The following FHIT variants were observed in gnomAD, a reference collection of about 807,000 sequenced individuals.
The protein encoded by FHIT is bis(5'-adenosyl)-triphosphatase.
A neutral mutation model predicts 17.9 loss-of-function variants in FHIT; 19 were observed. The observed-to-expected ratio is 1.06, with a 90% CI of 0.74 to 1.56. The LOEUF (loss-of-function observed/expected upper bound fraction) is 1.56. FHIT is among the 40% of genes most tolerant of loss of function. The probability of loss-of-function intolerance (pLI) is 0.00; values close to 1 mark genes in which losing one functional copy is unlikely to be tolerated. For synonymous variants in FHIT, 81 were observed against 69.7 expected (o/e 1.16, Z -0.81); for missense variants, 248 against 189.2 (o/e 1.31, Z -1.82).
intron 4 of FHIT, among the ~76,000 whole-genome samples, chr3:60,775,174 A>G (rs1553724169): frequency 6.6e-6 from 1 of 152,190 alleles, no homozygotes. Flanking sequence ...TAAATAAGGA[A>G]TGTTTAAATG....
chr3:60,179,677 G>GT (rs1050109609), intron 5 of FHIT, among the ~76,000 whole-genome samples: 2 of 150,852 alleles, frequency 1.3e-5, no homozygotes, highest in African/African-American at 2.5e-5. Flanking sequence ...TCTGTAGGTT[G>GT]TAAGTGTGTA....
rs192313458 is a variant in FHIT, at chr3:60,243,920, C to A, written c.104-229768G>T. 2.8e-3 allele frequency among the ~76,000 whole-genome samples: 425 copies of A among 152,166 alleles called. 2 individuals are homozygous for A. The highest frequency in any genetic ancestry group is 9.9e-3 in the African/African-American group (412 of 41,544). ...GTTCTGTAAGAGTCAGCAGGGAGAACAGAAATAATTTATTTCAGGAATCCT... is the reference window on the plus strand; with the variant it reads ...GTTCTGTAAGAGTCAGCAGGGAGAAAAGAAATAATTTATTTCAGGAATCCT... On this transcript the variant is annotated intron_variant, in intron 5 of 9. Coordinates refer to ENST00000492590, the MANE Select transcript of FHIT (RefSeq NM_002012.4).
chr3:59,889,943 G>A (rs1390803347), intron 8 of FHIT, among the ~76,000 whole-genome samples: 1 of 152,176 alleles, frequency 6.6e-6, no homozygotes, highest in Admixed American at 6.5e-5. Flanking sequence ...ATTAGTGTCT[G>A]TTTAATATTA....
intron 5 of FHIT, among the ~76,000 whole-genome samples, chr3:60,380,927 T>C (rs1576570619): frequency 6.6e-6 from 1 of 151,848 alleles, no homozygotes; most frequent in Non-Finnish European, 1.5e-5. Flanking sequence ...GGCTGCCTGG[T>C]TCCACTATGC....
chr3:61,107,063 A>T (rs950410757), intron 2 of FHIT, among the ~76,000 whole-genome samples: 2 of 152,136 alleles, frequency 1.3e-5, no homozygotes, highest in East Asian at 1.9e-4. Flanking sequence ...TGTACAATAG[A>T]TCTCTTTAAT....
At chr3:60,365,036 G>T (rs1250537035) in intron 5 of FHIT, among the ~76,000 whole-genome samples, 3 of 147,474 alleles carry the variant, frequency 2.0e-5, no homozygotes, top group Admixed American at 6.8e-5. Flanking sequence ...TTGTATGTAT[G>T]TATCTATCTG....
At chr3:60,623,950 T>C (rs1553679788) in intron 4 of FHIT, among the ~76,000 whole-genome samples, 1 of 152,124 alleles carries the variant, frequency 6.6e-6, no homozygotes, top group African/African-American at 2.4e-5. Flanking sequence ...GAGTAAAACA[T>C]AGTGTTTGCT....
At chr3:60,486,587 A>G (rs1468724773) in intron 5 of FHIT, among the ~76,000 whole-genome samples, 2 of 152,168 alleles carry the variant, frequency 1.3e-5, no homozygotes, top group East Asian at 3.9e-4. Flanking sequence ...AAAGATCTAT[A>G]GGTCAGAGAA....
At chr3:60,256,620 C>T (rs981852) in intron 5 of FHIT, among the ~76,000 whole-genome samples, 124,160 of 152,164 alleles carry the variant, frequency 0.82, 50,795 homozygotes, top group East Asian at 0.93. Flanking sequence ...CAGTCAAGCA[C>T]TAGCCACCAG....
chr3:60,598,013 T>C (rs553660017), intron 4 of FHIT, among the ~76,000 whole-genome samples: 6 of 152,206 alleles, frequency 3.9e-5, no homozygotes, highest in South Asian at 4.1e-4. Context: ...CATTGAGGAA[T>C]TGGCATTTGA....
At chr3:60,251,513 G>C (rs1391642058) in intron 5 of FHIT, among the ~76,000 whole-genome samples, 1 of 152,142 alleles carries the variant, frequency 6.6e-6, no homozygotes, top group Non-Finnish European at 1.5e-5. Flanking sequence ...ACTAAAATTT[G>C]AAAACCTCAT....
intron 4 of FHIT, among the ~76,000 whole-genome samples, chr3:60,723,668 A>G (rs1553708651): frequency 6.6e-6 from 1 of 152,216 alleles, no homozygotes; most frequent in Non-Finnish European, 1.5e-5. Flanking sequence ...CACACCATGC[A>G]CCTTTTCCCT....
intron 5 of FHIT, among the ~76,000 whole-genome samples, chr3:60,313,420 G>C (rs1709032463): frequency 6.6e-6 from 1 of 152,188 alleles, no homozygotes; most frequent in Admixed American, 6.5e-5. Flanking sequence ...CAGGGGCTGA[G>C]TGAGCAGGCT....
chr3:60,860,400 T>A (rs62654845), intron 3 of FHIT, among the ~76,000 whole-genome samples: 1 of 64,262 alleles, frequency 1.6e-5, no homozygotes, highest in Non-Finnish European at 3.3e-5. Context: ...CATATGTATA[T>A]ATGACATACA....
chr3:61,060,945 GT>G (rs376128741), intron 2 of FHIT, among the ~76,000 whole-genome samples: 47 of 152,266 alleles, frequency 3.1e-4, no homozygotes, highest in Non-Finnish European at 4.7e-4. Flanking sequence ...CCAAATGATT[GT>G]TTTTGCCTCA....
chr3:60,901,487 G>C (rs1553763175), intron 3 of FHIT, among the ~76,000 whole-genome samples: 1 of 151,442 alleles, frequency 6.6e-6, no homozygotes, highest in Non-Finnish European at 1.5e-5. Flanking sequence ...CTTAAGAAAG[G>C]CCAGAAAAAC....
chr3:60,878,993 G>C (rs1350904519), intron 3 of FHIT, among the ~76,000 whole-genome samples: 1 of 152,126 alleles, frequency 6.6e-6, no homozygotes. Flanking sequence ...ATAATCCTTT[G>C]AGTATATACC....
intron 8 of FHIT, among the ~76,000 whole-genome samples, chr3:59,787,981 G>C (rs1699385828): frequency 6.6e-6 from 1 of 152,198 alleles, no homozygotes. Flanking sequence ...AAGTGACATA[G>C]TGTTCTAGGA....
At chr3:60,927,550 C>T (rs1235734963) in intron 3 of FHIT, among the ~76,000 whole-genome samples, 3 of 152,040 alleles carry the variant, frequency 2.0e-5, no homozygotes, top group African/African-American at 7.2e-5. Context: ...AGCGTCTCTG[C>T]CTGGCCGCCC....
Sources: gnomAD v4.1 joint callset for allele counts (sites outside exome capture counted in the v4.1 genomes callset) on GRCh38, gnomAD v4.1.1 for gene constraint, MANE v1.5 for transcripts, NCBI Gene and HGNC (gene_info 2026-07-23, HGNC 2026-07-21) for gene names.